ATRNL1: variants seen among roughly 807,000 people sequenced by gnomAD.
ATRNL1 encodes the protein attractin like 1.
Under a neutral mutation model 182.7 loss-of-function variants are expected in ATRNL1, and 95 were observed. The observed-to-expected ratio is 0.52, with a 90% CI of 0.44 to 0.62. ATRNL1 has a LOEUF of 0.62. ATRNL1 is among the 20% of genes least tolerant of loss of function. The pLI is 0.00. For missense variants in ATRNL1, 1,471 were observed against 1,679.5 expected (o/e 0.88, Z 2.17); for synonymous variants, 576 against 568.3 (o/e 1.01, Z -0.19).
At chr10:115,623,292 TTC>T (rs1857893635) in intron 26 of ATRNL1, among the ~76,000 whole-genome samples, 1 of 152,198 alleles carries the variant, frequency 6.6e-6, no homozygotes, top group African/African-American at 2.4e-5. Flanking sequence ...ACAGACCGCA[TTC>T]TGTTACTGTA....
chr10:115,135,764 C>T (rs147963496), intron 5 of ATRNL1, among the ~76,000 whole-genome samples: 227 of 152,208 alleles, frequency 1.5e-3, no homozygotes, highest in African/African-American at 5.0e-3. Flanking sequence ...GGAGGCATCA[C>T]GCTCCCTGAC....
chr10:115,185,850 CTG>C (rs1239477326), intron 8 of ATRNL1, among the ~76,000 whole-genome samples: 1 of 152,064 alleles, frequency 6.6e-6, no homozygotes, highest in African/African-American at 2.4e-5. Flanking sequence ...GAATTGGACA[CTG>C]TGTGCCTTTG....
intron 24 of ATRNL1, among the ~76,000 whole-genome samples, chr10:115,491,943 C>A (rs1554976643): frequency 1.3e-5 from 2 of 152,150 alleles, no homozygotes; most frequent in Admixed American, 1.3e-4. Context: ...AGTATTTGGC[C>A]TGGAGTGCGC....
chr10:115,756,221 G>C (rs532635051), intron 27 of ATRNL1, among the ~76,000 whole-genome samples: 1 of 151,954 alleles, frequency 6.6e-6, no homozygotes, highest in Admixed American at 6.6e-5. Context: ...GAATTTGTTT[G>C]CTCTTGCTTC....
intron 27 of ATRNL1, among the ~76,000 whole-genome samples, chr10:115,814,712 C>A (rs565468583): frequency 6.6e-6 from 1 of 152,132 alleles, no homozygotes; most frequent in East Asian, 1.9e-4. Flanking sequence ...CTGGTTTGAT[C>A]ATTGACAAAG....
At chr10:115,203,040 C>T (rs1424778971) in intron 8 of ATRNL1, among the ~76,000 whole-genome samples, 5 of 152,068 alleles carry the variant, frequency 3.3e-5, no homozygotes, top group African/African-American at 1.2e-4. Flanking sequence ...GTAGTATTCT[C>T]TGATGGTAGT....
intron 18 of ATRNL1, among the ~76,000 whole-genome samples, chr10:115,322,369 G>T (rs977086300): frequency 2.6e-5 from 4 of 151,228 alleles, no homozygotes; most frequent in Admixed American, 6.6e-5. Flanking sequence ...TGTTGCCATG[G>T]CCCCAAACCA....
chr10:115,885,295 G>T (rs979594524), intron 28 of ATRNL1, among the ~76,000 whole-genome samples: 6 of 152,166 alleles, frequency 3.9e-5, no homozygotes, highest in Non-Finnish European at 7.3e-5. Context: ...AATACTGTTA[G>T]CTCCTTGAAG....
chr10:115,402,911 A>G (rs1844633074), intron 20 of ATRNL1, among the ~76,000 whole-genome samples: 1 of 152,174 alleles, frequency 6.6e-6, no homozygotes, highest in Admixed American at 6.5e-5. Context: ...ATGGGAGCCA[A>G]AATTCTACTT....
intron 26 of ATRNL1, among the ~76,000 whole-genome samples, chr10:115,713,682 TATCTATCTATCTATCTATCTATC>T (rs1289541923): frequency 2.4e-4 from 26 of 108,826 alleles, no homozygotes; most frequent in African/African-American, 6.4e-4. Flanking sequence ...GTTTTCTATC[TATCTATCTATCTATCTATCTATC>T]ATCTATCTAT....
chr10:115,694,382 CTT>C, intron 26 of ATRNL1, among the ~76,000 whole-genome samples: 1 of 152,004 alleles, frequency 6.6e-6, no homozygotes, highest in East Asian at 1.9e-4. Flanking sequence ...TATAGAAAGA[CTT>C]TGGATGCTCT....
At chr10:115,102,768 A>G (rs1354727264) in intron 1 of ATRNL1, among the ~76,000 whole-genome samples, 4 of 152,090 alleles carry the variant, frequency 2.6e-5, no homozygotes, top group East Asian at 1.9e-4. Context: ...AGATTCCCCC[A>G]ACTTTATTTT....
At chr10:115,691,255 T>C (rs1031346694) in intron 26 of ATRNL1, among the ~76,000 whole-genome samples, 2 of 152,170 alleles carry the variant, frequency 1.3e-5, no homozygotes, top group Non-Finnish European at 2.9e-5. Flanking sequence ...GTACAAGGGT[T>C]CCATTTTCTC....
chr10:115,284,863 A>G (rs114010361), intron 14 of ATRNL1, among the ~76,000 whole-genome samples: 1,793 of 152,340 alleles, frequency 0.012, 33 homozygotes, highest in African/African-American at 0.04. Flanking sequence ...CCCCTTCAAC[A>G]TTTTGTTATG....
intron 26 of ATRNL1, among the ~76,000 whole-genome samples, chr10:115,608,210 A>T (rs948916077): frequency 6.6e-6 from 1 of 151,968 alleles, no homozygotes; most frequent in Admixed American, 6.6e-5. Context: ...TTCCAAGAAG[A>T]CTCTGCAAAT....
At chr10:115,879,809 G>C (rs1951786346) in intron 28 of ATRNL1, among the ~76,000 whole-genome samples, 1 of 152,174 alleles carries the variant, frequency 6.6e-6, no homozygotes, top group South Asian at 2.1e-4. Context: ...CAGCAGCGGA[G>C]GCTGCAGTCA....
chr10:115,817,042 T>C (rs533812221), intron 27 of ATRNL1, among the ~76,000 whole-genome samples: 1 of 152,222 alleles, frequency 6.6e-6, no homozygotes, highest in Admixed American at 6.6e-5. Flanking sequence ...TCAGGCTAGA[T>C]TGGAAATAAA....
At chr10:115,739,505 A>G (rs1948077058) in intron 27 of ATRNL1, among the ~76,000 whole-genome samples, 1 of 152,238 alleles carries the variant, frequency 6.6e-6, no homozygotes, top group Admixed American at 6.5e-5. Flanking sequence ...AACTGTGCTC[A>G]ACAGAATGGG....
At chr10:115,684,510 G>A in intron 26 of ATRNL1, among the ~76,000 whole-genome samples, 1 of 150,376 alleles carries the variant, frequency 6.6e-6, no homozygotes, top group Non-Finnish European at 1.5e-5. Context: ...ACAGATTTTG[G>A]TTCAGGATAT....
Sources: gnomAD v4.1 joint callset for allele counts (sites outside exome capture counted in the v4.1 genomes callset) on GRCh38, gnomAD v4.1.1 for gene constraint, MANE v1.5 for transcripts, NCBI Gene and HGNC (gene_info 2026-07-23, HGNC 2026-07-21) for gene names.